Variants in HMGXB3 observed in about 807,000 individuals in gnomAD.
HMGXB3 encodes HMG-box containing 3.
A neutral mutation model predicts 121.5 loss-of-function variants in HMGXB3; 45 were observed. The ratio of observed to expected loss-of-function variants is 0.37; its 90% CI spans 0.29 to 0.47. HMGXB3 has a LOEUF of 0.47. Among genes scored for constraint, HMGXB3 ranks in the 20% least tolerant of loss-of-function variants. The probability of loss-of-function intolerance (pLI) is 0.99; values close to 1 mark genes in which losing one functional copy is unlikely to be tolerated. For synonymous variants in HMGXB3, 590 were observed against 624.1 expected (o/e 0.95, Z 0.81); for missense variants, 1,376 against 1,602.2 (o/e 0.86, Z 2.41).
At chr5:150,016,195 T>C (rs1285211364) in intron 5 of HMGXB3, among the ~76,000 whole-genome samples, 3 of 151,704 alleles carry the variant, frequency 2.0e-5, no homozygotes, top group East Asian at 3.9e-4. Flanking sequence ...AAGCAAAAAA[T>C]AGTTGGGTGT....
rs1457070158 is a variant in HMGXB3, at chr5:150,024,378, C to T, written c.1158C>T (p.Ala386=). Residue 386 remains alanine, a synonymous_variant, in exon 7 of 20, where the codon GCC becomes GCT. Transcript: ENST00000502717. ...AGCAAAATTCCTCTAAGGAAAATGCCTCCAAACTGACTCTGGAGAATTCGG... is the reference window on the plus strand; with the variant it reads ...AGCAAAATTCCTCTAAGGAAAATGCTTCCAAACTGACTCTGGAGAATTCGG... ...TTEQNSSKEN[A]SKLTLENSEA... is the part of the protein sequence containing the mutation. The T allele has an allele frequency of 3.2e-6, 5 of 1,551,728 alleles. No individual in the cohort carries two copies. The highest frequency in any genetic ancestry group is 3.5e-6 in the Non-Finnish European group (4 of 1,147,008).
chr5:150,023,151 T>C (rs1372264328), intron 6 of HMGXB3, among the ~76,000 whole-genome samples: 1 of 152,086 alleles, frequency 6.6e-6, no homozygotes, highest in African/African-American at 2.4e-5. Flanking sequence ...GAACTAGAAG[T>C]GCAGTATGCA....
intron 10 of HMGXB3, among the ~76,000 whole-genome samples, chr5:150,031,091 T>C (rs1756365007): frequency 6.6e-6 from 1 of 152,214 alleles, no homozygotes; most frequent in Admixed American, 6.5e-5. Flanking sequence ...TGTATTTTTA[T>C]TGAGAGTTGC....
chr5:150,040,798 G>A lies in HMGXB3; in HGVS notation c.2464G>A (p.Ala822Thr), dbSNP rs1352644016. 1.9e-6 allele frequency: 3 copies of A among 1,551,998 alleles called. No homozygotes were observed. The Admixed American group carries it at 5.9e-5, about 30-fold the overall frequency. The stretch of plus-strand genomic sequence containing the variant: ...GCTGGTAAGCCTGGACTTGCTTTTT[G>A]CAATCAGAAATCAGATCAAGCTCGG... ...KLLVSLDLLF[A>T]IRNQIKLGED... The change falls in exon 14 of 20, where the codon GCA (alanine) becomes ACA (threonine). Residue 822 changes from alanine (A) to threonine (T), a missense_variant. Physicochemically the swap from Ala to Thr is moderately conservative, Grantham distance 58 (BLOSUM62 0). Transcript: ENST00000502717.
rs995661736 is a variant in HMGXB3 at position 150,010,459 on chromosome 5, C to G, written c.661C>G (p.Leu221Val). ...SQDVLLEDAS[L>V]EVGESHQPYQ... Reference sequence around the variant, plus strand: ...GGATGTGCTCCTAGAGGACGCTTCCCTAGAAGTAGGGGAGAGCCACCAACC... The same window carrying G: ...GGATGTGCTCCTAGAGGACGCTTCCGTAGAAGTAGGGGAGAGCCACCAACC... Residue 221 changes from leucine to valine, a missense_variant, in exon 4 of 20, where the codon CTA (leucine) becomes GTA (valine). Physicochemically the swap from Leu to Val is conservative, Grantham distance 32 (BLOSUM62 1). Around this residue, in one of 2 missense-constraint regions of HMGXB3, gnomAD observed 1,116 missense variants for 1,369.0 expected, o/e 0.82. Coordinates refer to ENST00000502717, the MANE Select transcript of HMGXB3 (RefSeq NM_014983.3). The G allele has an allele frequency of 6.4e-7, 1 of 1,551,586 alleles. No homozygotes were observed. Among genetic ancestry groups the G allele is most frequent in the African/African-American group, 1.4e-5 (1 of 73,140 alleles).
intron 3 of HMGXB3, among the ~76,000 whole-genome samples, chr5:150,009,758 G>A (rs1037722050): frequency 6.6e-6 from 1 of 152,196 alleles, no homozygotes; most frequent in Admixed American, 6.5e-5. Flanking sequence ...TACAGATGGG[G>A]CAGCTGAGGC....
At chr5:150,012,421 T>G (rs1755862066) in intron 5 of HMGXB3, 68 bp downstream of exon 5, 2 of 1,112,070 alleles carry the variant, frequency 1.8e-6, no homozygotes, top group South Asian at 2.7e-5. Context: ...TAAGTAGATT[T>G]GTCTTTTTTT....
chr5:150,004,563 T>C (rs1204034097), intron 1 of HMGXB3, among the ~76,000 whole-genome samples: 1 of 152,166 alleles, frequency 6.6e-6, no homozygotes, highest in Non-Finnish European at 1.5e-5. Context: ...TGAAAAGTAT[T>C]TCTAAGGCAG....
intron 13 of HMGXB3, among the ~76,000 whole-genome samples, chr5:150,039,439 TAA>T (rs1269600070): frequency 6.6e-6 from 1 of 152,188 alleles, no homozygotes; most frequent in Non-Finnish European, 1.5e-5. Context: ...GAAGTATAAT[TAA>T]GTTTGTCTGT....
At chr5:150,009,492 C>T (rs1050912809) in intron 3 of HMGXB3, among the ~76,000 whole-genome samples, 1 of 152,124 alleles carries the variant, frequency 6.6e-6, no homozygotes, top group Non-Finnish European at 1.5e-5. Flanking sequence ...CTTTCTGTCA[C>T]GAAGCCTTCT....
At position 150,026,737 on chromosome 5, in the gene HMGXB3, C is replaced by G; in HGVS notation, c.1492C>G (p.Pro498Ala). Residue 498 changes from proline to alanine, a missense_variant, in exon 8 of 20, where the codon CCA (proline) becomes GCA (alanine). By Grantham distance (27) the Pro-to-Ala change is conservative. This residue lies in a region of HMGXB3 where 1,116 missense variants were observed against 1,369.0 expected (regional missense o/e 0.82). Coordinates refer to ENST00000502717, the MANE Select transcript of HMGXB3 (RefSeq NM_014983.3). Reference protein sequence around the residue: ...ADLLTPGSRAPELKGRARGKP... With the variant: ...ADLLTPGSRAAELKGRARGKP... ...CCTGCTTACCCCTGGGTCCAGAGCT[C>G]CAGAGCTTAAAGGCAGAGCACGGGG... is the stretch of plus-strand genomic sequence containing the variant. 1.3e-6 allele frequency: 2 copies of G among 1,551,440 alleles called. No homozygotes were observed. Among genetic ancestry groups the G allele is most frequent in the Non-Finnish European group, 1.7e-6 (2 of 1,146,926 alleles).
chr5:150,020,090 G>A (rs1756052072), intron 6 of HMGXB3, among the ~76,000 whole-genome samples: 1 of 152,128 alleles, frequency 6.6e-6, no homozygotes, highest in South Asian at 2.1e-4. Flanking sequence ...ACTTCATTAG[G>A]GATGTTAGCA....
Position 150,041,869 on chromosome 5 carries a change from G to A in HMGXB3, c.2630G>A (p.Arg877Gln), listed in dbSNP as rs1756640913. 2.6e-6 allele frequency: 4 copies of A among 1,551,690 alleles called. No homozygotes were observed. The highest frequency in any genetic ancestry group is 3.5e-6 in the Non-Finnish European group (4 of 1,146,964). The change falls in exon 15 of 20, where the codon CGA becomes CAA. Residue 877 changes from arginine to glutamine, a missense_variant. Transcript: ENST00000502717. ...GYWAFECLTV[R>Q]DYNDMICGIC... ...TGGGCCTTTGAGTGCCTCACTGTCC[G>A]AGACTACAATGACATGATCTGTGGC...
intron 5 of HMGXB3, among the ~76,000 whole-genome samples, chr5:150,013,513 T>C (rs1449050965): frequency 1.3e-5 from 2 of 152,218 alleles, no homozygotes; most frequent in Non-Finnish European, 2.9e-5. Context: ...AGAATTTCCT[T>C]ATACAGTCTC....
chr5:150,045,945 G>T (rs556962637), intron 16 of HMGXB3, among the ~76,000 whole-genome samples: 1 of 152,290 alleles, frequency 6.6e-6, no homozygotes, highest in South Asian at 2.1e-4. Flanking sequence ...ACACTGAGTA[G>T]CAGAACTCCT....
intron 5 of HMGXB3, among the ~76,000 whole-genome samples, chr5:150,013,231 C>G (rs1156604079): frequency 6.6e-6 from 1 of 152,050 alleles, no homozygotes; most frequent in Non-Finnish European, 1.5e-5. Context: ...TCCTACATGC[C>G]CTTTATCATG....
chr5:150,040,457 TGG>T (rs1439858198), intron 13 of HMGXB3, among the ~76,000 whole-genome samples: 1 of 152,128 alleles, frequency 6.6e-6, no homozygotes, highest in Non-Finnish European at 1.5e-5. Flanking sequence ...CTTGAACTCC[TGG>T]GCTCAAGCGA....
chr5:150,031,876 T>A (rs1274286755), intron 10 of HMGXB3, among the ~76,000 whole-genome samples: 1 of 152,116 alleles, frequency 6.6e-6, no homozygotes, highest in East Asian at 1.9e-4. Flanking sequence ...ATCCTGGAGA[T>A]CTGCTCAGGT....
chr5:150,012,273 T>C lies in HMGXB3; in HGVS notation c.829T>C (p.Ser277Pro), dbSNP rs1378609662. 1.2e-5 allele frequency: 18 copies of C among 1,552,152 alleles called. No individual in the cohort carries two copies. The highest frequency in any genetic ancestry group is 1.6e-5 in the Non-Finnish European group (18 of 1,146,990). Residue 277 changes from serine (S) to proline (P), a missense_variant, in exon 5 of 20, where the codon TCC becomes CCC. Transcript: ENST00000502717. ...TVMRDSSESS[S>P]SAPATQFIML... ...CCCATAGGATTCCAGTGAGAGTAGC[T>C]CCTCTGCACCAGCCACACAGTTCAT...
Sources: allele counts gnomAD v4.1 joint callset (sites outside exome capture counted in the v4.1 genomes callset), GRCh38; gene constraint gnomAD v4.1.1; regional missense constraint gnomAD v4.1.1; transcripts MANE v1.5; gene names NCBI Gene and HGNC (gene_info 2026-07-23, HGNC 2026-07-21).